WDPCP: variants seen among roughly 807,000 people sequenced by gnomAD.
WDPCP encodes WD repeat containing planar cell polarity effector, also known as WD repeat-containing and planar cell polarity effector protein fritz homolog.
A neutral mutation model predicts 93.1 loss-of-function variants in WDPCP; 71 were observed. That is an observed-to-expected ratio of 0.76 (90% CI 0.63 to 0.93). WDPCP has a LOEUF of 0.93. Ranked by LOEUF, WDPCP falls within the 40% of genes least tolerant of loss-of-function variation. The pLI, the probability that WDPCP is intolerant of heterozygous loss-of-function variation, is 0.00. For synonymous variants in WDPCP, 315 were observed against 315.0 expected (o/e 1.00, Z 0.00); for missense variants, 844 against 887.4 (o/e 0.95, Z 0.62).
intron 1 of WDPCP, among the ~76,000 whole-genome samples, chr2:63,579,939 G>C (rs1708386856): frequency 6.6e-6 from 1 of 152,156 alleles, no homozygotes; most frequent in East Asian, 1.9e-4. Context: ...GCTATCAGGA[G>C]AATGGGTTAA....
chr2:63,227,423 G>A (rs1323776049), intron 14 of WDPCP, among the ~76,000 whole-genome samples: 1 of 152,016 alleles, frequency 6.6e-6, no homozygotes, highest in Non-Finnish European at 1.5e-5. Context: ...AGTGGTGTAA[G>A]CACTTGCTTG....
chr2:63,634,101 C>G (rs262504), intron 3 of WDPCP, among the ~76,000 whole-genome samples: 120,213 of 152,040 alleles, frequency 0.79, 47,984 homozygotes, highest in East Asian at 0.98. Context: ...CAAACATAGA[C>G]TGCCTGAGTA....
Position 63,484,926 on chromosome 2 carries a change from T to C in WDPCP, c.315A>G (p.Lys105=), listed in dbSNP as rs936160193. Residue 105 remains lysine, a synonymous_variant, in exon 5 of 18, where the codon AAA becomes AAG. Coordinates refer to ENST00000272321, the MANE Select transcript of WDPCP (RefSeq NM_015910.7). ...RRPEKLRDSL[K]ELEELMQNSR... ...ACTTTTTGAAAGATACCTCCAACTC[T>C]TTGAGCGAGTCTCGGAGTTTTTCTG... is the stretch of plus-strand genomic sequence containing the variant. The C allele has an allele frequency of 5.6e-6, 9 of 1,612,564 alleles. No homozygotes were observed. Among genetic ancestry groups the C allele is most frequent in the Admixed American group, 1.7e-5 (1 of 59,776 alleles).
chr2:63,608,191 T>C (rs2106633455), intron 3 of WDPCP, among the ~76,000 whole-genome samples: 1 of 152,302 alleles, frequency 6.6e-6, no homozygotes, highest in Non-Finnish European at 1.5e-5. Context: ...TTTCATTATA[T>C]TAAAAAAATG....
chr2:63,295,181 AT>A (rs1173511120), intron 13 of WDPCP, among the ~76,000 whole-genome samples: 3 of 152,152 alleles, frequency 2.0e-5, no homozygotes, highest in African/African-American at 4.8e-5. Flanking sequence ...AGAGAAAAAA[AT>A]ATTTCACTAC....
intron 2 of WDPCP, among the ~76,000 whole-genome samples, chr2:63,748,012 A>G (rs1669823786): frequency 6.6e-6 from 1 of 151,948 alleles, no homozygotes; most frequent in Non-Finnish European, 1.5e-5. Context: ...AGAGTGAGGG[A>G]AATAGAAAGA....
chr2:63,143,235 C>T (rs191290767), intron 17 of WDPCP, among the ~76,000 whole-genome samples: 1 of 152,244 alleles, frequency 6.6e-6, no homozygotes, highest in East Asian at 1.9e-4. Context: ...ATAAGAATAG[C>T]TGCCCCTGCT....
At chr2:63,341,121 A>G (rs899846119) in intron 12 of WDPCP, among the ~76,000 whole-genome samples, 2 of 152,032 alleles carry the variant, frequency 1.3e-5, no homozygotes, top group Non-Finnish European at 2.9e-5. Flanking sequence ...GTCTTTTTAA[A>G]TGTATTCAGA....
At chr2:63,497,201 T>G (rs575396329) in intron 1 of WDPCP, among the ~76,000 whole-genome samples, 1 of 150,968 alleles carries the variant, frequency 6.6e-6, no homozygotes, top group Non-Finnish European at 1.5e-5. Flanking sequence ...TGTGGTGGTA[T>G]ACAGACAAAG....
intron 3 of WDPCP, among the ~76,000 whole-genome samples, chr2:63,636,146 T>C (rs965051428): frequency 6.6e-6 from 1 of 152,190 alleles, no homozygotes; most frequent in Non-Finnish European, 1.5e-5. Flanking sequence ...GGGAATAATT[T>C]TAACTATGGA....
At chr2:63,623,942 C>A (rs1354824668) in intron 3 of WDPCP, among the ~76,000 whole-genome samples, 1 of 152,194 alleles carries the variant, frequency 6.6e-6, no homozygotes, top group Non-Finnish European at 1.5e-5. Context: ...AAGTGAAACA[C>A]TCCTCAGCAA....
At chr2:63,273,808 AACACACACACACACACACGCACAC>A (rs919084414) in intron 13 of WDPCP, among the ~76,000 whole-genome samples, 1 of 144,028 alleles carries the variant, frequency 6.9e-6, no homozygotes, top group Non-Finnish European at 1.6e-5. Context: ...CCAACGCAGA[AACACACACACACACACACGCACAC>A]ACACACACAC....
At chr2:63,736,515 T>C (rs1456840196) in intron 2 of WDPCP, among the ~76,000 whole-genome samples, 1 of 152,198 alleles carries the variant, frequency 6.6e-6, no homozygotes, top group East Asian at 1.9e-4. Flanking sequence ...CTTTTTTTTA[T>C]TGAGAACACC....
At chr2:63,560,925 T>A (rs1706562630) in intron 1 of WDPCP, among the ~76,000 whole-genome samples, 1 of 152,176 alleles carries the variant, frequency 6.6e-6, no homozygotes, top group African/African-American at 2.4e-5. Flanking sequence ...GGCACATGCA[T>A]ACATATGTAA....
At chr2:63,200,939 G>T (rs1675862089) in intron 14 of WDPCP, among the ~76,000 whole-genome samples, 1 of 152,034 alleles carries the variant, frequency 6.6e-6, no homozygotes, top group Non-Finnish European at 1.5e-5. Flanking sequence ...TGAAATGTGA[G>T]AAGGACATGA....
At chr2:63,615,513 G>A (rs550183059) in intron 3 of WDPCP, among the ~76,000 whole-genome samples, 2 of 152,236 alleles carry the variant, frequency 1.3e-5, no homozygotes, top group East Asian at 3.9e-4. Context: ...TGGCACACCT[G>A]GTTCTAACCT....
intron 12 of WDPCP, chr2:63,377,995 A>T (rs1691996312): frequency 5.5e-6 from 1 of 181,998 alleles, no homozygotes; most frequent in East Asian, 1.4e-4. Context: ...AAGTTTTTCT[A>T]CAGTAATTCT....
At chr2:63,123,051 A>G (rs1669659058) in intron 17 of WDPCP, among the ~76,000 whole-genome samples, 1 of 151,868 alleles carries the variant, frequency 6.6e-6, no homozygotes, top group African/African-American at 2.4e-5. Flanking sequence ...AAAATTGAAA[A>G]AAAAAAAAAA....
chr2:63,379,983 T>C lies in WDPCP; in HGVS notation c.1625-1474A>G, dbSNP rs558514937. Among the ~76,000 whole-genome samples, 6 of 152,282 alleles carry C rather than the reference T, an allele frequency of 3.9e-5. No individual in the cohort carries two copies. In the South Asian group the frequency reaches 1.2e-3, roughly 32 times the overall value. On this transcript the variant is annotated intron_variant, in intron 11 of 17. Transcript: ENST00000272321. ...TTTTTATTTCCCTATCTCCCCAATA[T>C]GGTTCCTTGAAAATATACTTTATTA...
Sources: allele counts gnomAD v4.1 joint callset (sites outside exome capture counted in the v4.1 genomes callset), GRCh38; gene constraint gnomAD v4.1.1; transcripts MANE v1.5; gene names NCBI Gene and HGNC (gene_info 2026-07-23, HGNC 2026-07-21).